HMGB4: variants seen among roughly 807,000 people sequenced by gnomAD.
HMGB4 encodes high mobility group box 4, also known as high mobility group protein B4.
For synonymous variants in HMGB4, 82 were observed against 84.9 expected (o/e 0.97, Z 0.19); for missense variants, 217 against 220.4 (o/e 0.98, Z 0.10).
chr1:33,862,072 G>A (rs1005086632), upstream of HMGB4: 2 of 152,266 alleles, frequency 1.3e-5, no homozygotes, highest in African/African-American at 4.8e-5. Flanking sequence ...GCTGGAAAGG[G>A]GATCTGGAAG....
At chr1:33,863,928 T>C, upstream of HMGB4, 1 of 396,794 alleles carries the variant, frequency 2.5e-6, no homozygotes, top group Admixed American at 4.3e-5. Context: ...ACATTGACCC[T>C]CAAGTAACCA....
upstream of HMGB4, among the ~76,000 whole-genome samples, chr1:33,861,050 A>G (rs2125112889): frequency 6.6e-6 from 1 of 152,358 alleles, no homozygotes; most frequent in East Asian, 1.9e-4. Context: ...GTATGGAGAT[A>G]AAAATAGCCC....
rs909711818 is a variant in HMGB4 at position 33,864,093 on chromosome 1, G to A, written c.-99G>A. Reference sequence around the variant, plus strand: ...ACAGCTCTTGCAGACAGAAAAATTCGCTGCAAGTACAGCACTTTCTAGATT... The same window carrying A: ...ACAGCTCTTGCAGACAGAAAAATTCACTGCAAGTACAGCACTTTCTAGATT... On this transcript the variant is annotated 5_prime_UTR_variant, in exon 1 of 1. Transcript: ENST00000681531. 1 of 1,179,820 alleles carries A rather than the reference G, an allele frequency of 8.5e-7. No individual in the cohort carries two copies. The highest frequency in any genetic ancestry group is 1.2e-6 in the Non-Finnish European group (1 of 833,114). The allele number at this position is 1,179,820 out of a possible 1,614,324, so 73.1% of individuals were successfully genotyped here.
upstream of HMGB4, chr1:33,860,983 T>C (rs2125112725): frequency 6.6e-6 from 1 of 152,294 alleles, no homozygotes. Context: ...AGTAGAAATT[T>C]TTTATCTCTA....
chr1:33,861,847 T>C (rs1360443897), upstream of HMGB4, among the ~76,000 whole-genome samples: 1 of 152,190 alleles, frequency 6.6e-6, no homozygotes, highest in Non-Finnish European at 1.5e-5. Flanking sequence ...TGAGGACCAG[T>C]GACCTTCAGT....
upstream of HMGB4, chr1:33,863,198 C>G (rs903689707): frequency 6.6e-6 from 1 of 152,212 alleles, no homozygotes; most frequent in Admixed American, 6.5e-5. Context: ...AGGCAAGTAC[C>G]TAGCAGTGTC....
upstream of HMGB4, chr1:33,863,979 G>C: frequency 3.6e-6 from 2 of 548,528 alleles, no homozygotes; most frequent in South Asian, 4.8e-5. Context: ...ACAGGTGTTG[G>C]CTGGGATTGG....
chr1:33,862,004 T>G (rs1039096293), upstream of HMGB4, among the ~76,000 whole-genome samples: 7 of 152,100 alleles, frequency 4.6e-5, 1 homozygote, highest in African/African-American at 1.7e-4. Context: ...GATCCTCTGA[T>G]GTGGCTCATA....
At chr1:33,862,343 C>CTGTGTGTGTGTGTGTGTGTGTGTGTG (rs10610868), upstream of HMGB4, 15 of 114,084 alleles carry the variant, frequency 1.3e-4, no homozygotes, top group South Asian at 3.5e-4. Context: ...ATAAGCTACT[C>CTGTGTGTGTGTGTGTGTGTGTGTGTG]TGTGTGTGTG....
chr1:33,864,607 A>G lies in HMGB4; in HGVS notation c.416A>G (p.Lys139Arg). The G allele has an allele frequency of 6.2e-7, 1 of 1,614,048 alleles. No homozygotes were observed. ...KMWSTATDLE[K>R]HPYEQRVALL... ...TGGTCAACAGCGACAGACCTGGAGA[A>G]GCACCCTTATGAGCAAAGAGTGGCT... The change falls in exon 1 of 1, where the codon AAG (lysine) becomes AGG (arginine). Residue 139 changes from lysine (K) to arginine (R), a missense_variant. Physicochemically the swap from Lys to Arg is conservative, Grantham distance 26. Coordinates refer to ENST00000681531, the MANE Select transcript of HMGB4 (RefSeq NM_001379301.1).
rs1558021172 is a variant in HMGB4 at position 33,864,142 on chromosome 1, GTC to G, written c.-45_-44del. 6.6e-7 allele frequency: 1 copy of G among 1,512,516 alleles called. No homozygotes were observed. Among genetic ancestry groups the G allele is most frequent in the Admixed American group, 2.1e-5 (1 of 47,342 alleles). The allele number at this position is 1,512,516 out of a possible 1,614,324, so 93.7% of individuals were successfully genotyped here. The stretch of plus-strand genomic sequence containing the variant: ...TTGCTCCTGGAGTGTGGGAACAACA[GTC>G]TCTCCTGTCCACGTTACTGAATCCA... On this transcript the variant is annotated 5_prime_UTR_variant, in exon 1 of 1. Coordinates refer to ENST00000681531, the MANE Select transcript of HMGB4 (RefSeq NM_001379301.1).
chr1:33,861,329 A>T (rs1310728460), upstream of HMGB4: 1 of 152,168 alleles, frequency 6.6e-6, no homozygotes, highest in Non-Finnish European at 1.5e-5. Flanking sequence ...AGCCACACTC[A>T]TTGGTTTAGG....
rs1261610187 is a variant in HMGB4, at chr1:33,864,744, C to A, written c.553C>A (p.Gln185Lys). 1.1e-5 allele frequency: 18 copies of A among 1,606,800 alleles called. No individual in the cohort carries two copies. Among genetic ancestry groups the A allele is most frequent in the Non-Finnish European group, 1.4e-5 (17 of 1,177,210 alleles). ...CCGGTGCAGAGGGAAAAGAGTCAGG[C>A]AGAGCTGATGGATCCAGTTTGAAAA... ...RNRCRGKRVR[Q>K]S Residue 185 changes from glutamine to lysine, a missense_variant, in exon 1 of 1, where the codon CAG becomes AAG. Gln to Lys is a moderately conservative substitution (Grantham distance 53). Transcript: ENST00000681531.
chr1:33,863,362 C>A (rs1639689960), upstream of HMGB4: 1 of 152,138 alleles, frequency 6.6e-6, no homozygotes, highest in African/African-American at 2.4e-5. Context: ...GAAATGGGGA[C>A]CCCTCACATG....
In HMGB4 at chr1:33,864,670, A is replaced by G; in HGVS notation, c.479A>G (p.Tyr160Cys). ...AAGTACTTCGAGGAACTTGAACTCT[A>G]CCGTAAACAATGTAATGCCAGGAAG... ...RAKYFEELEL[Y>C]RKQCNARKKY... is the part of the protein sequence containing the mutation. The change falls in exon 1 of 1, where the codon TAC becomes TGC. Residue 160 changes from tyrosine to cysteine, a missense_variant. Coordinates refer to ENST00000681531, the MANE Select transcript of HMGB4 (RefSeq NM_001379301.1). The G allele has an allele frequency of 6.2e-7, 1 of 1,613,916 alleles. No individual in the cohort carries two copies. The highest frequency in any genetic ancestry group is 8.5e-7 in the Non-Finnish European group (1 of 1,179,984).
upstream of HMGB4, chr1:33,861,341 A>G (rs920313232): frequency 3.9e-5 from 6 of 152,142 alleles, no homozygotes; most frequent in African/African-American, 1.4e-4. Flanking sequence ...TGGTTTAGGT[A>G]TTTTCTATGG....
upstream of HMGB4, among the ~76,000 whole-genome samples, chr1:33,861,813 G>A (rs543965486): frequency 6.6e-6 from 1 of 152,160 alleles, no homozygotes; most frequent in African/African-American, 2.4e-5. Flanking sequence ...TGGAAGGAGA[G>A]AGTCATTTAG....
upstream of HMGB4, chr1:33,863,605 C>T (rs1033156830): frequency 3.3e-5 from 5 of 152,546 alleles, no homozygotes; most frequent in African/African-American, 1.2e-4. Flanking sequence ...ACTACTAAAC[C>T]CTTTGTATGG....
At chr1:33,862,343 CTG>C (rs10610868), upstream of HMGB4, 5,482 of 113,912 alleles carry the variant, frequency 0.048, 104 homozygotes, top group East Asian at 0.054. Context: ...ATAAGCTACT[CTG>C]TGTGTGTGTG....
Sources: allele counts gnomAD v4.1 joint callset (sites outside exome capture counted in the v4.1 genomes callset), GRCh38; gene constraint gnomAD v4.1.1; transcripts MANE v1.5; gene names NCBI Gene and HGNC (gene_info 2026-07-23, HGNC 2026-07-21).